MED12L: variants seen among roughly 807,000 people sequenced by gnomAD.
MED12L encodes the protein mediator complex subunit 12L.
MED12L carries 60 observed loss-of-function variants against 281.3 expected under a neutral mutation model. The ratio of observed to expected loss-of-function variants is 0.21; its 90% CI spans 0.17 to 0.26. The LOEUF is 0.26. MED12L is among the 10% of genes least tolerant of loss of function. The pLI is 1.00. For synonymous variants in MED12L, 974 were observed against 987.2 expected (o/e 0.99, Z 0.25); for missense variants, 2,146 against 2,680.9 (o/e 0.80, Z 4.41).
Position 151,436,263 on chromosome 3 carries a change from T to TAA in MED12L, c.*3461_*3462dup, listed in dbSNP as rs1720191699. On this transcript the variant is annotated 3_prime_UTR_variant, in exon 45 of 45. Transcript: ENST00000687756. ...ACAAAATATTTATACATCAGGATGG[T>TAA]AAATTTACATCATAAAGATTGCAGA... is the stretch of plus-strand genomic sequence containing the variant. The TAA allele has an allele frequency of 6.3e-6, 1 of 157,524 alleles. No homozygotes were observed. Among genetic ancestry groups the TAA allele is most frequent in the Non-Finnish European group, 1.4e-5 (1 of 71,130 alleles). The allele number at this position is 157,524 out of a possible 1,614,324, so 9.8% of individuals were successfully genotyped here.
At chr3:151,192,939 G>A (rs143586310) in intron 15 of MED12L, among the ~76,000 whole-genome samples, 2 of 152,078 alleles carry the variant, frequency 1.3e-5, no homozygotes, top group Non-Finnish European at 2.9e-5. Context: ...GTAGCTTCAC[G>A]ATGACAGTCC....
At chr3:151,426,675 C>T (rs954017866) in intron 43 of MED12L, among the ~76,000 whole-genome samples, 3 of 152,016 alleles carry the variant, frequency 2.0e-5, no homozygotes, top group African/African-American at 7.3e-5. Context: ...CAATATTTAC[C>T]ATGTTAGAAA....
rs375238984 is a variant in MED12L at position 151,156,280 on chromosome 3, G to A, written c.676G>A (p.Ala226Thr). The change falls in exon 6 of 45, where the codon GCC becomes ACC. Residue 226 changes from alanine (A) to threonine (T), a missense_variant. Around this residue, in one of 9 missense-constraint regions of MED12L, gnomAD observed 722 missense variants for 861.2 expected, o/e 0.84. Transcript: ENST00000687756. Reference protein sequence around the residue: ...PVPVPPEVEQAMKQWEYNEKL... With the variant: ...PVPVPPEVEQTMKQWEYNEKL... ...CCCTGTGCCACCAGAGGTGGAGCAAGCCATGAAGCAATGGGAATACAACGA... is the reference window on the plus strand; with the variant it reads ...CCCTGTGCCACCAGAGGTGGAGCAAACCATGAAGCAATGGGAATACAACGA... The A allele has an allele frequency of 6.2e-7, 1 of 1,612,938 alleles. No individual in the cohort carries two copies. Among genetic ancestry groups the A allele is most frequent in the Non-Finnish European group, 8.5e-7 (1 of 1,179,588 alleles).
intron 17 of MED12L, among the ~76,000 whole-genome samples, chr3:151,351,817 A>G (rs1753272434): frequency 6.6e-6 from 1 of 152,192 alleles, no homozygotes; most frequent in South Asian, 2.1e-4. Context: ...GCAATGTGGT[A>G]TCCTTTTCTG....
Position 151,357,395 on chromosome 3 carries a change from A to T in MED12L, c.2825+19A>T, listed in dbSNP as rs748579748. Reference sequence around the variant, plus strand: ...TTGAAGGGTTGGTATATAGCATGTCATTGTTGTTTTTCCAATCTCAGAATG... The same window carrying T: ...TTGAAGGGTTGGTATATAGCATGTCTTTGTTGTTTTTCCAATCTCAGAATG... On this transcript the variant is annotated intron_variant, in intron 20 of 44. Transcript: ENST00000687756. 3.2e-6 allele frequency: 5 copies of T among 1,543,678 alleles called. No individual in the cohort carries two copies. Among genetic ancestry groups the T allele is most frequent in the Admixed American group, 4.1e-5 (2 of 48,566 alleles).
intron 37 of MED12L, among the ~76,000 whole-genome samples, 187 bp downstream of exon 37, chr3:151,388,359 T>G (rs1713751337): frequency 6.6e-6 from 1 of 152,174 alleles, no homozygotes; most frequent in Non-Finnish European, 1.5e-5. Context: ...GATTAAAGCT[T>G]TTGATTTTCC....
intron 16 of MED12L, among the ~76,000 whole-genome samples, chr3:151,262,791 C>A (rs1270153859): frequency 6.6e-6 from 1 of 152,114 alleles, no homozygotes; most frequent in Non-Finnish European, 1.5e-5. Context: ...ATGCCAGATA[C>A]TGTTCTAAAT....
At chr3:151,370,010 C>T (rs963969369) in intron 26 of MED12L, among the ~76,000 whole-genome samples, 21 of 152,096 alleles carry the variant, frequency 1.4e-4, no homozygotes, top group Admixed American at 1.3e-4. Context: ...GAGTATATTT[C>T]CTTCTACCTT....
rs10572929 is a variant in MED12L at position 151,178,157 on chromosome 3, C to CAAAAAAAAAAAAAAA, written c.1495-7160_1495-7146dup. On this transcript the variant is annotated intron_variant, in intron 11 of 44. Transcript: ENST00000687756. ...TGGGCAACAGAATGAGACTTGGTCT[C>CAAAAAAAAAAAAAAA]AAAAAAAAAAAAAAAAAAAAAAAAA... Among the ~76,000 whole-genome samples, 24 of 49,166 alleles carry CAAAAAAAAAAAAAAA rather than the reference C, an allele frequency of 4.9e-4. 1 individual carries two copies. Among genetic ancestry groups the CAAAAAAAAAAAAAAA allele is most frequent in the East Asian group, 4.5e-3 (7 of 1,550 alleles). 32.3% of individuals were successfully genotyped at this position (49,166 alleles called of 152,430 possible).
chr3:151,143,924 C>T (rs1717395120), intron 5 of MED12L, among the ~76,000 whole-genome samples: 1 of 152,214 alleles, frequency 6.6e-6, no homozygotes, highest in Non-Finnish European at 1.5e-5. Context: ...CTGTTATTCC[C>T]TATGATACGA....
intron 16 of MED12L, chr3:151,327,105 T>G (rs536589476): frequency 2.8e-4 from 42 of 152,322 alleles, no homozygotes; most frequent in African/African-American, 1.0e-3. Flanking sequence ...TTTAACATTT[T>G]TAGCGGATGC....
At chr3:151,088,780 T>C (rs1254162371) in intron 2 of MED12L, among the ~76,000 whole-genome samples, 1 of 152,240 alleles carries the variant, frequency 6.6e-6, no homozygotes, top group African/African-American at 2.4e-5. Flanking sequence ...TTGACTCGTT[T>C]AACCAAGGTG....
intron 16 of MED12L, among the ~76,000 whole-genome samples, chr3:151,206,248 A>G (rs925881126): frequency 2.6e-5 from 4 of 151,912 alleles, no homozygotes; most frequent in African/African-American, 7.3e-5. Context: ...TTTCTGTATT[A>G]TTTAAATTCT....
intron 15 of MED12L, 63 bp from the exon 16 acceptor site, chr3:151,193,427 C>T: frequency 7.7e-7 from 1 of 1,302,166 alleles, no homozygotes; most frequent in Non-Finnish European, 1.1e-6. Context: ...TGGTATGTAG[C>T]ACTGTGGTTT....
At chr3:151,285,854 G>A (rs1743428478) in intron 16 of MED12L, among the ~76,000 whole-genome samples, 1 of 152,130 alleles carries the variant, frequency 6.6e-6, no homozygotes, top group Non-Finnish European at 1.5e-5. Flanking sequence ...AAGGACACAG[G>A]GCACCATCCA....
chr3:151,353,223 A>G (rs932312942), intron 17 of MED12L, among the ~76,000 whole-genome samples: 3 of 152,196 alleles, frequency 2.0e-5, no homozygotes, highest in African/African-American at 7.2e-5. Context: ...GAATCAATGC[A>G]TTAATTTCAC....
chr3:151,316,062 A>G (rs1748195150), intron 16 of MED12L, among the ~76,000 whole-genome samples: 1 of 152,226 alleles, frequency 6.6e-6, no homozygotes, highest in Non-Finnish European at 1.5e-5. Context: ...CAGTTTTCTC[A>G]GTGCCTTTCC....
chr3:151,401,169 T>C (rs1715625175), intron 39 of MED12L, among the ~76,000 whole-genome samples: 1 of 152,238 alleles, frequency 6.6e-6, no homozygotes, highest in South Asian at 2.1e-4. Flanking sequence ...ATTTCTACTT[T>C]ATGTAGTTAT....
intron 2 of MED12L, among the ~76,000 whole-genome samples, chr3:151,096,285 A>G (rs1017420959): frequency 1.3e-5 from 2 of 152,204 alleles, no homozygotes; most frequent in African/African-American, 4.8e-5. Context: ...CAGTTGGACC[A>G]TATGTCAATT....
Sources: gnomAD v4.1 joint callset for allele counts (sites outside exome capture counted in the v4.1 genomes callset) on GRCh38, gnomAD v4.1.1 for gene constraint, gnomAD v4.1.1 regional missense constraint, MANE v1.5 for transcripts, NCBI Gene and HGNC (gene_info 2026-07-23, HGNC 2026-07-21) for gene names.